GPR158: variants seen among roughly 807,000 people sequenced by gnomAD.
GPR158 encodes the protein G protein-coupled receptor 158.
Under a neutral mutation model 78.2 loss-of-function variants are expected in GPR158, and 30 were observed. The ratio of observed to expected loss-of-function variants is 0.38; its 90% CI spans 0.29 to 0.52. GPR158 has a LOEUF of 0.52. Ranked by LOEUF, GPR158 falls within the 20% of genes least tolerant of loss-of-function variation. GPR158 has a pLI of 0.83. For synonymous variants in GPR158, 581 were observed against 591.1 expected (o/e 0.98, Z 0.25); for missense variants, 1,463 against 1,523.5 (o/e 0.96, Z 0.66).
chr10:25,275,539 G>A (rs901427491), intron 2 of GPR158, among the ~76,000 whole-genome samples: 6 of 152,170 alleles, frequency 3.9e-5, no homozygotes, highest in African/African-American at 9.7e-5. Flanking sequence ...GTGCCAGGAA[G>A]AGAGATTTGG....
At chr10:25,468,009 C>T (rs982025076) in intron 5 of GPR158, among the ~76,000 whole-genome samples, 1 of 152,134 alleles carries the variant, frequency 6.6e-6, no homozygotes, top group East Asian at 1.9e-4. Context: ...GGCAGCATTG[C>T]TCCGTACCAC....
chr10:25,572,569 A>C, intron 6 of GPR158, 80 bp from the exon 7 acceptor site: 3 of 945,376 alleles, frequency 3.2e-6, no homozygotes. Flanking sequence ...TTTACATTTT[A>C]CCTAGAAAAA....
intron 1 of GPR158, among the ~76,000 whole-genome samples, chr10:25,182,968 G>T (rs1299660045): frequency 6.6e-6 from 1 of 152,182 alleles, no homozygotes; most frequent in African/African-American, 2.4e-5. Context: ...TAGTACTGGG[G>T]CTATGCTTGG....
intron 2 of GPR158, among the ~76,000 whole-genome samples, chr10:25,334,826 A>C (rs1007601828): frequency 1.3e-5 from 2 of 151,732 alleles, no homozygotes; most frequent in Non-Finnish European, 2.9e-5. Context: ...TGCTCAACTC[A>C]ATGCTTTAGT....
chr10:25,283,349 A>C (rs1368719264), intron 2 of GPR158, among the ~76,000 whole-genome samples: 2 of 151,980 alleles, frequency 1.3e-5, no homozygotes, highest in African/African-American at 4.8e-5. Context: ...TTCTCTCTTT[A>C]ATTCATAATG....
intron 1 of GPR158, among the ~76,000 whole-genome samples, chr10:25,206,677 A>G (rs1853042855): frequency 6.6e-6 from 1 of 152,084 alleles, no homozygotes; most frequent in African/African-American, 2.4e-5. Flanking sequence ...ATATTTCACA[A>G]TTCTTTAAAT....
At chr10:25,302,567 A>T (rs1247840905) in intron 2 of GPR158, among the ~76,000 whole-genome samples, 1 of 152,072 alleles carries the variant, frequency 6.6e-6, no homozygotes, top group African/African-American at 2.4e-5. Flanking sequence ...AGGGGACAAC[A>T]CACTTTTTCT....
intron 2 of GPR158, among the ~76,000 whole-genome samples, chr10:25,230,262 C>T (rs931266842): frequency 3.9e-5 from 6 of 152,110 alleles, no homozygotes; most frequent in African/African-American, 1.2e-4. Context: ...GGTTTGATCA[C>T]ATGTGAATGA....
At chr10:25,331,909 G>A (rs1588803935) in intron 2 of GPR158, among the ~76,000 whole-genome samples, 1 of 151,906 alleles carries the variant, frequency 6.6e-6, no homozygotes, top group Admixed American at 6.6e-5. Context: ...TTTAAATGGG[G>A]AATTACTATT....
intron 7 of GPR158, among the ~76,000 whole-genome samples, chr10:25,574,386 T>TATTA (rs1436406691): frequency 6.6e-6 from 1 of 152,134 alleles, no homozygotes; most frequent in South Asian, 2.1e-4. Flanking sequence ...TTAGATAGCT[T>TATTA]ATTATTGATT....
In GPR158 at chr10:25,596,746, A is replaced by T. The variant is rs144019693; in HGVS notation, c.2102A>T (p.Asn701Ile). ...GGATCCTACCTGAACAGCAGTATCA[A>T]TTCAGCCTGGAGTGAGCACAGCTTG... is the stretch of plus-strand genomic sequence containing the variant. ...RSGSYLNSSINSAWSEHSLDP... is the reference protein window; with the variant it reads ...RSGSYLNSSIISAWSEHSLDP... The change falls in exon 10 of 11, where the codon AAT becomes ATT. Residue 701 changes from asparagine (N) to isoleucine (I), a missense_variant. Coordinates refer to ENST00000376351, the MANE Select transcript of GPR158 (RefSeq NM_020752.3). 1.9e-6 allele frequency: 3 copies of T among 1,613,752 alleles called. No individual in the cohort carries two copies. The highest frequency in any genetic ancestry group is 2.5e-6 in the Non-Finnish European group (3 of 1,179,810).
chr10:25,590,448 A>C (rs557075257), intron 8 of GPR158, among the ~76,000 whole-genome samples: 19 of 152,266 alleles, frequency 1.2e-4, no homozygotes, highest in African/African-American at 4.6e-4. Context: ...CTGGAGTTTC[A>C]GGACCTAAGA....
intron 4 of GPR158, among the ~76,000 whole-genome samples, chr10:25,456,356 C>A (rs1315278731): frequency 6.6e-6 from 1 of 152,154 alleles, no homozygotes; most frequent in African/African-American, 2.4e-5. Context: ...TCAAACAAAA[C>A]AGGAAATGTT....
In GPR158 at chr10:25,176,408, C is replaced by A; in HGVS notation, c.902+86C>A. 4 of 1,057,606 alleles carry A rather than the reference C, an allele frequency of 3.8e-6. No homozygotes were observed. The highest frequency in any genetic ancestry group is 3.2e-5 in the South Asian group (2 of 61,562). The allele number at this position is 1,057,606 out of a possible 1,614,324, so 65.5% of individuals were successfully genotyped here. On this transcript the variant is annotated intron_variant, in intron 1 of 10. Coordinates refer to ENST00000376351, the MANE Select transcript of GPR158 (RefSeq NM_020752.3). The surrounding 1 kb of genome is among the most constrained non-coding windows in gnomAD (Gnocchi z 6.3). ...GGTGGGTGCACGTGTGAGGAAGGAA[C>A]CCTTGGCTGTGACGCGAACGCTTCT...
chr10:25,307,836 G>C (rs933793377), intron 2 of GPR158, among the ~76,000 whole-genome samples: 2 of 151,960 alleles, frequency 1.3e-5, no homozygotes. Context: ...ATATTTTATA[G>C]TTTCTTGCAT....
At chr10:25,392,239 C>G (rs1280904253) in intron 2 of GPR158, among the ~76,000 whole-genome samples, 3 of 152,320 alleles carry the variant, frequency 2.0e-5, no homozygotes, top group African/African-American at 7.2e-5. Context: ...GAGCCAGTGC[C>G]CTTGCCAGTG....
chr10:25,480,397 A>G (rs905823740), intron 5 of GPR158, among the ~76,000 whole-genome samples: 1 of 152,226 alleles, frequency 6.6e-6, no homozygotes, highest in Non-Finnish European at 1.5e-5. Flanking sequence ...GGCTTTAAAC[A>G]CATTCACAGT....
chr10:25,233,158 G>C (rs191828119), intron 2 of GPR158, among the ~76,000 whole-genome samples: 2 of 152,306 alleles, frequency 1.3e-5, no homozygotes, highest in Admixed American at 1.3e-4. Context: ...TCCATGCGCT[G>C]TCTCCAGAAA....
chr10:25,180,468 GT>G, intron 1 of GPR158, among the ~76,000 whole-genome samples: 1 of 152,130 alleles, frequency 6.6e-6, no homozygotes, highest in East Asian at 1.9e-4. Context: ...CCCCAATTTT[GT>G]CATTAAAAAT....
Sources: allele counts gnomAD v4.1 joint callset (sites outside exome capture counted in the v4.1 genomes callset), GRCh38; gene constraint gnomAD v4.1.1; non-coding constraint Gnocchi (gnomAD v3.1); transcripts MANE v1.5; gene names NCBI Gene and HGNC (gene_info 2026-07-23, HGNC 2026-07-21).